The following PTPRC variants were observed in gnomAD, a reference collection of about 807,000 sequenced individuals.
PTPRC encodes the protein receptor-type tyrosine-protein phosphatase C.
Under a neutral mutation model 155.9 loss-of-function variants are expected in PTPRC, and 44 were observed. The observed-to-expected ratio is 0.28, with a 90% CI of 0.22 to 0.36. The LOEUF is 0.36. PTPRC is among the 10% of genes least tolerant of loss of function. The pLI, the probability that PTPRC is intolerant of heterozygous loss-of-function variation, is 1.00. For missense variants in PTPRC, 1,401 were observed against 1,564.6 expected, an observed-to-expected ratio of 0.90 and a Z score of 1.76; for synonymous variants, 525 against 533.1, an observed-to-expected ratio of 0.98 and a Z score of 0.21.
chr1:198,709,237 A>G (rs1653158756), intron 10 of PTPRC, among the ~76,000 whole-genome samples: 1 of 152,330 alleles, frequency 6.6e-6, no homozygotes, highest in South Asian at 2.1e-4. Flanking sequence ...AAACAAGTGA[A>G]AAATTTTACA....
At chr1:198,683,812 A>G (rs967581434) in intron 2 of PTPRC, among the ~76,000 whole-genome samples, 3 of 152,100 alleles carry the variant, frequency 2.0e-5, no homozygotes, top group Non-Finnish European at 4.4e-5. Context: ...TACATAACTG[A>G]TAACAAGCCA....
chr1:198,702,334 T>C (rs1666500862), intron 5 of PTPRC, 53 bp from the exon 6 acceptor site: 6 of 1,612,850 alleles, frequency 3.7e-6, no homozygotes, highest in Admixed American at 1.7e-5. Context: ...ATCTGGCTAT[T>C]GCCCTTGCGT....
chr1:198,731,394 T>G (rs1486557187), intron 17 of PTPRC, among the ~76,000 whole-genome samples: 7 of 152,030 alleles, frequency 4.6e-5, no homozygotes, highest in Non-Finnish European at 1.5e-5. Context: ...AAGAACATTC[T>G]AGTAGAGAGA....
chr1:198,664,950 C>T (rs762056096), intron 2 of PTPRC, among the ~76,000 whole-genome samples: 4 of 152,006 alleles, frequency 2.6e-5, no homozygotes, highest in Non-Finnish European at 5.9e-5. Context: ...TATTTTTTCC[C>T]TTAAGGCTAA....
chr1:198,703,023 G>A (rs1666539482), intron 6 of PTPRC, among the ~76,000 whole-genome samples: 1 of 152,126 alleles, frequency 6.6e-6, no homozygotes, highest in African/African-American at 2.4e-5. Context: ...TGAATGAAAG[G>A]GAAATGAATA....
At chr1:198,708,757 A>G (rs187832074) in intron 10 of PTPRC, among the ~76,000 whole-genome samples, 1 of 152,364 alleles carries the variant, frequency 6.6e-6, no homozygotes, top group East Asian at 1.9e-4. Context: ...CAGCAAGTGC[A>G]TCTAGGGATA....
chr1:198,669,557 G>C (rs1454198501), intron 2 of PTPRC, among the ~76,000 whole-genome samples: 1 of 151,870 alleles, frequency 6.6e-6, no homozygotes, highest in South Asian at 2.1e-4. Context: ...TATGTTTTAA[G>C]CTTCCCTAAT....
chr1:198,643,427 A>T (rs531631316), intron 2 of PTPRC, among the ~76,000 whole-genome samples: 14 of 152,038 alleles, frequency 9.2e-5, no homozygotes, highest in Middle Eastern at 3.4e-3. Context: ...AATATGAGAT[A>T]AAAAAATTAA....
intron 6 of PTPRC, 143 bp downstream of exon 6, chr1:198,702,673 T>A: frequency 9.0e-7 from 1 of 1,109,616 alleles, no homozygotes; most frequent in Non-Finnish European, 1.3e-6. Flanking sequence ...AACACCAAAT[T>A]ATGCAAAAGA....
intron 2 of PTPRC, among the ~76,000 whole-genome samples, chr1:198,645,927 C>A (rs1044882073): frequency 2.0e-5 from 3 of 151,744 alleles, no homozygotes; most frequent in Non-Finnish European, 4.4e-5. Context: ...TGTGTCCATA[C>A]CCACCATTAC....
rs1030406342 is a variant in PTPRC at position 198,717,003 on chromosome 1, C to G, written c.1450+163C>G. Among the ~76,000 whole-genome samples, 4 of 152,114 alleles carry G rather than the reference C, an allele frequency of 2.6e-5. No homozygotes were observed. In the East Asian group the frequency reaches 5.8e-4, roughly 22 times the overall value. ...ACGTAAAATCTAAAAGTTTAAAAAC[C>G]GTTATCCTGGATTCTCTCTCTTCTT... On this transcript the variant is annotated intron_variant, in intron 13 of 32. Coordinates refer to ENST00000442510, the MANE Select transcript of PTPRC (RefSeq NM_002838.5).
intron 20 of PTPRC, 126 bp from the exon 21 acceptor site, chr1:198,734,070 C>A: frequency 1.1e-6 from 1 of 895,310 alleles, no homozygotes; most frequent in Non-Finnish European, 1.8e-6. Context: ...TACTTTGAAA[C>A]TGCCCAGAGA....
Position 198,692,344 on chromosome 1 carries a change from C to T in PTPRC, c.74-3C>T. On this transcript the variant is annotated splice_polypyrimidine_tract_variant and splice_region_variant and intron_variant, in intron 2 of 32. Transcript: ENST00000442510. ...CTAAGAGATTTTTGTTTCTTCTTTGCAGGGCAAAGCCCAACACCTTCCCCC... is the reference window on the plus strand; with the variant it reads ...CTAAGAGATTTTTGTTTCTTCTTTGTAGGGCAAAGCCCAACACCTTCCCCC... The T allele has an allele frequency of 6.6e-7, 1 of 1,515,600 alleles. No individual in the cohort carries two copies. The highest frequency in any genetic ancestry group is 1.3e-5 in the South Asian group (1 of 74,508). 93.9% of individuals were successfully genotyped at this position (1,515,600 alleles called of 1,614,324 possible). A position where few individuals can be genotyped will look rare whatever the true frequency, so the allele number is the denominator to read the frequency against.
intron 2 of PTPRC, among the ~76,000 whole-genome samples, chr1:198,678,703 TGGTATTA>T (rs1665104364): frequency 6.6e-6 from 1 of 152,074 alleles, no homozygotes; most frequent in Non-Finnish European, 1.5e-5. Flanking sequence ...CGTACAATTC[TGGTATTA>T]GGATCACAAA....
Position 198,699,591 on chromosome 1 carries a change from T to C in PTPRC, c.326T>C (p.Leu109Pro). 1 of 1,614,208 alleles carries C rather than the reference T, an allele frequency of 6.2e-7. No individual in the cohort carries two copies. Among genetic ancestry groups the C allele is most frequent in the Non-Finnish European group, 8.5e-7 (1 of 1,180,046 alleles). ...GTTTCATCAGTACAGACGCCTCACC[T>C]TCCCACGCACGCAGACTCGCAGACG... ...TGVSSVQTPH[L>P]PTHADSQTPS... The change falls in exon 5 of 33, where the codon CTT becomes CCT. Residue 109 changes from leucine to proline, a missense_variant. Physicochemically the swap from Leu to Pro is moderately conservative, Grantham distance 98. Coordinates refer to ENST00000442510, the MANE Select transcript of PTPRC (RefSeq NM_002838.5).
intron 16 of PTPRC, 64 bp downstream of exon 16, chr1:198,728,512 T>C (rs1243362051): frequency 2.3e-5 from 36 of 1,573,188 alleles, no homozygotes; most frequent in Non-Finnish European, 3.4e-6. Flanking sequence ...CGCATATCCA[T>C]ATGGCAGTGA....
intron 4 of PTPRC, among the ~76,000 whole-genome samples, chr1:198,698,396 G>A (rs1486560776): frequency 6.6e-6 from 1 of 151,990 alleles, no homozygotes; most frequent in African/African-American, 2.4e-5. Flanking sequence ...TTTTCATCAG[G>A]TGATACTTCA....
At chr1:198,706,697 C>G in intron 8 of PTPRC, 37 bp from the exon 9 acceptor site, 2 of 1,579,832 alleles carry the variant, frequency 1.3e-6, no homozygotes, top group Non-Finnish European at 1.7e-6. Context: ...TTTATTTATT[C>G]TGGAAAAATA....
At position 198,728,444 on chromosome 1, in the gene PTPRC, T is replaced by A; in HGVS notation, c.1825T>A (p.Ser609Thr). 1.2e-6 allele frequency: 2 copies of A among 1,612,160 alleles called. No homozygotes were observed. The highest frequency in any genetic ancestry group is 1.7e-6 in the Non-Finnish European group (2 of 1,179,114). ...AATCTATGATCTACATAAGAAAAGA[T>A]CCTGGTAAGAGTTGATTTTAAATTT... ...YKIYDLHKKR[S>T]CNLDEQQELV... Residue 609 changes from serine to threonine, a missense_variant, in exon 16 of 33, where the codon TCC becomes ACC. Physicochemically the swap from Ser to Thr is moderately conservative, Grantham distance 58 (BLOSUM62 1). Around this residue, in one of 3 missense-constraint regions of PTPRC, gnomAD observed 867 missense variants for 970.4 expected, o/e 0.89. Coordinates refer to ENST00000442510, the MANE Select transcript of PTPRC (RefSeq NM_002838.5).
Sources: allele counts gnomAD v4.1 joint callset (sites outside exome capture counted in the v4.1 genomes callset), GRCh38; gene constraint gnomAD v4.1.1; regional missense constraint gnomAD v4.1.1; transcripts MANE v1.5; gene names NCBI Gene and HGNC (gene_info 2026-07-23, HGNC 2026-07-21).